DLG2: variants seen among roughly 807,000 people sequenced by gnomAD.
DLG2 encodes the protein disks large homolog 2.
Under a neutral mutation model 132.5 loss-of-function variants are expected in DLG2, and 45 were observed. The observed-to-expected ratio is 0.34, with a 90% CI of 0.27 to 0.44. DLG2 has a LOEUF of 0.44. Ranked by LOEUF, DLG2 falls within the 20% of genes least tolerant of loss-of-function variation. The pLI is 1.00. For synonymous variants in DLG2, 424 were observed against 419.6 expected, an observed-to-expected ratio of 1.01 and a Z score of -0.13; for missense variants, 1,045 against 1,196.9, an observed-to-expected ratio of 0.87 and a Z score of 1.87.
intron 6 of DLG2, among the ~76,000 whole-genome samples, chr11:84,778,690 T>C (rs1357199626): frequency 9.2e-5 from 14 of 152,110 alleles, no homozygotes; most frequent in Non-Finnish European, 1.8e-4. Context: ...GTCAAGCTGA[T>C]TGGATTGAAG....
intron 5 of DLG2, among the ~76,000 whole-genome samples, chr11:85,121,274 G>C (rs2074279106): frequency 6.6e-6 from 1 of 151,616 alleles, no homozygotes. Context: ...TGATAATTTA[G>C]GAGAATAACA....
chr11:83,480,641 A>G (rs1182089201), intron 22 of DLG2: 1 of 1,554,458 alleles, frequency 6.4e-7, no homozygotes, highest in Non-Finnish European at 8.7e-7. Flanking sequence ...TAGCAAATGA[A>G]GAAAGTATCT....
At chr11:84,391,779 G>A (rs936926102) in intron 7 of DLG2, among the ~76,000 whole-genome samples, 3 of 150,718 alleles carry the variant, frequency 2.0e-5, no homozygotes, top group African/African-American at 7.4e-5. Flanking sequence ...TTTAGCTTGG[G>A]ATTTTCTGTT....
At chr11:83,968,750 C>G (rs1052634821) in intron 12 of DLG2, among the ~76,000 whole-genome samples, 4 of 152,128 alleles carry the variant, frequency 2.6e-5, no homozygotes, top group African/African-American at 9.7e-5. Flanking sequence ...GAATTCAAAG[C>G]TAGACAGTTT....
intron 6 of DLG2, among the ~76,000 whole-genome samples, chr11:84,709,358 T>A (rs2060123761): frequency 6.6e-6 from 1 of 151,852 alleles, no homozygotes. Context: ...ACTATGTTAA[T>A]GCAAATAAAA....
chr11:85,540,690 C>T (rs996441083), intron 3 of DLG2, among the ~76,000 whole-genome samples: 6 of 152,240 alleles, frequency 3.9e-5, no homozygotes, highest in African/African-American at 1.4e-4. Flanking sequence ...CTACAGACAG[C>T]AAAACAGCAA....
chr11:83,875,554 AAG>A, intron 15 of DLG2, among the ~76,000 whole-genome samples: 1 of 152,304 alleles, frequency 6.6e-6, no homozygotes, highest in East Asian at 1.9e-4. Flanking sequence ...ATTCTTTAGA[AAG>A]AGATGGCAAG....
intron 4 of DLG2, among the ~76,000 whole-genome samples, chr11:85,192,113 G>T (rs528269759): frequency 1.3e-5 from 2 of 152,152 alleles, no homozygotes; most frequent in Non-Finnish European, 2.9e-5. Context: ...TGGAATTCGC[G>T]TACAGGCTTT....
intron 11 of DLG2, among the ~76,000 whole-genome samples, chr11:83,993,839 C>T (rs1421622819): frequency 1.3e-5 from 2 of 152,142 alleles, no homozygotes; most frequent in African/African-American, 4.8e-5. Context: ...GATTCCAGCA[C>T]ACAAAGCCAC....
At chr11:83,910,441 C>A (rs1052340551) in intron 15 of DLG2, among the ~76,000 whole-genome samples, 3 of 152,080 alleles carry the variant, frequency 2.0e-5, no homozygotes, top group African/African-American at 4.8e-5. Flanking sequence ...ATCAAATGAA[C>A]GGTCCTGGAA....
intron 6 of DLG2, among the ~76,000 whole-genome samples, chr11:84,587,864 T>G (rs904525547): frequency 2.0e-5 from 3 of 152,192 alleles, no homozygotes; most frequent in Non-Finnish European, 4.4e-5. Flanking sequence ...GTAAAGAAAT[T>G]GGTATTATTT....
intron 6 of DLG2, among the ~76,000 whole-genome samples, chr11:84,656,119 A>T (rs183159317): frequency 1.3e-5 from 2 of 152,322 alleles, no homozygotes; most frequent in African/African-American, 2.4e-5. Flanking sequence ...AAACCTCTGC[A>T]TGGAAAGAAA....
chr11:85,148,349 A>G (rs1224299571), intron 5 of DLG2, among the ~76,000 whole-genome samples: 2 of 152,144 alleles, frequency 1.3e-5, no homozygotes, highest in Non-Finnish European at 2.9e-5. Flanking sequence ...ACAACAGTTG[A>G]ACTAATTTAC....
intron 6 of DLG2, among the ~76,000 whole-genome samples, chr11:84,652,287 TG>T (rs1201209755): frequency 6.6e-6 from 1 of 152,136 alleles, no homozygotes; most frequent in East Asian, 1.9e-4. Flanking sequence ...AATAGTCTAA[TG>T]AGAAATAATA....
intron 6 of DLG2, among the ~76,000 whole-genome samples, chr11:85,012,759 C>A (rs756261681): frequency 9.9e-5 from 15 of 151,984 alleles, no homozygotes; most frequent in Non-Finnish European, 1.8e-4. Context: ...ACTAAAATAT[C>A]AAATGAGTAT....
At chr11:84,244,914 G>C (rs1430375544) in intron 8 of DLG2, among the ~76,000 whole-genome samples, 1 of 152,096 alleles carries the variant, frequency 6.6e-6, no homozygotes, top group African/African-American at 2.4e-5. Context: ...AATCAAAAGT[G>C]AATCATAGCC....
At chr11:84,899,908 A>G (rs539018376) in intron 6 of DLG2, among the ~76,000 whole-genome samples, 40 of 152,154 alleles carry the variant, frequency 2.6e-4, no homozygotes, top group African/African-American at 9.1e-4. Flanking sequence ...CCACTGGGGT[A>G]CCATTTGGTA....
At chr11:84,366,201 T>C (rs1033063460) in intron 7 of DLG2, among the ~76,000 whole-genome samples, 1 of 151,900 alleles carries the variant, frequency 6.6e-6, no homozygotes, top group African/African-American at 2.4e-5. Context: ...GAATTTCATA[T>C]CCAGCCAAAC....
intron 3 of DLG2, among the ~76,000 whole-genome samples, chr11:85,300,919 G>A (rs1049919210): frequency 2.0e-5 from 3 of 152,190 alleles, no homozygotes; most frequent in African/African-American, 7.2e-5. Context: ...AATTATTAGA[G>A]ACTGGCCGCG....
Sources: gnomAD v4.1 joint callset for allele counts (sites outside exome capture counted in the v4.1 genomes callset) on GRCh38, gnomAD v4.1.1 for gene constraint, MANE v1.5 for transcripts, NCBI Gene and HGNC (gene_info 2026-07-23, HGNC 2026-07-21) for gene names.